DNAI1: variants seen among roughly 807,000 people sequenced by gnomAD.
DNAI1 encodes dynein axonemal intermediate chain 1.
In DNAI1, 67 loss-of-function variants were observed where a neutral mutation model predicts 92.0. That is an observed-to-expected ratio of 0.73 (90% CI 0.60 to 0.89). The LOEUF (loss-of-function observed/expected upper bound fraction) is 0.89. DNAI1 is among the 40% of genes least tolerant of loss of function. The pLI is 0.00. For missense variants in DNAI1, 839 were observed against 866.6 expected (o/e 0.97, Z 0.40); for synonymous variants, 323 against 319.6 (o/e 1.01, Z -0.11).
At position 34,520,701 on chromosome 9, in the gene DNAI1, T is replaced by C. The variant is rs138460682; in HGVS notation, c.2045T>C (p.Ile682Thr). ...GTGCAGAAGGGTCCAGCTGTGGAGA[T>C]TGCGAAACTGGACAAACTGCTGAAC... is the stretch of plus-strand genomic sequence containing the variant. ...QEVQKGPAVE[I>T]AKLDKLLNLV... Residue 682 changes from isoleucine (I) to threonine (T), a missense_variant, in exon 20 of 20, where the codon ATT (isoleucine) becomes ACT (threonine). Physicochemically the swap from Ile to Thr is moderately conservative, Grantham distance 89. Coordinates refer to ENST00000242317, the MANE Select transcript of DNAI1 (RefSeq NM_012144.4). The C allele has an allele frequency of 5.5e-5, 86 of 1,551,600 alleles. No homozygotes were observed. The highest frequency in any genetic ancestry group is 2.5e-4 in the Admixed American group (13 of 50,988).
At chr9:34,485,813 AT>A (rs1326178008) in intron 4 of DNAI1, among the ~76,000 whole-genome samples, 1 of 152,196 alleles carries the variant, frequency 6.6e-6, no homozygotes, top group Non-Finnish European at 1.5e-5. Flanking sequence ...TATGTAACAC[AT>A]TTTTCACTAA....
chr9:34,497,087 AG>A, intron 9 of DNAI1, 27 bp from the exon 10 acceptor site: 1 of 1,584,544 alleles, frequency 6.3e-7, no homozygotes. Context: ...CTGGTTTATG[AG>A]GACCTGAAGT....
At chr9:34,464,756 C>T (rs539124341) in intron 1 of DNAI1, among the ~76,000 whole-genome samples, 7 of 152,238 alleles carry the variant, frequency 4.6e-5, no homozygotes, top group Non-Finnish European at 5.9e-5. Context: ...GCCATGATGA[C>T]GTCAGAAGCT....
rs760335957 is a variant in DNAI1, at chr9:34,458,920, C to A, written c.-86C>A. ...ACTGGTAACTGAAGTGGAAGAGAGT[C>A]CAGATTTCTTGTGTGTGGTCAAGGA... On this transcript the variant is annotated 5_prime_UTR_variant, in exon 1 of 20. Transcript: ENST00000242317. The surrounding 1 kb of genome is among the most constrained non-coding windows in gnomAD (Gnocchi z 6.6). 3 of 1,212,332 alleles carry A rather than the reference C, an allele frequency of 2.5e-6. No homozygotes were observed. The highest frequency in any genetic ancestry group is 3.7e-6 in the Non-Finnish European group (3 of 817,172). The allele number at this position is 1,212,332 out of a possible 1,614,324, so 75.1% of individuals were successfully genotyped here.
At chr9:34,510,509 GA>G (rs1825043266) in intron 13 of DNAI1, among the ~76,000 whole-genome samples, 1 of 152,096 alleles carries the variant, frequency 6.6e-6, no homozygotes, top group Non-Finnish European at 1.5e-5. Flanking sequence ...TGGTCCCTGG[GA>G]ATTCATTCAT....
At position 34,517,308 on chromosome 9, in the gene DNAI1, C is replaced by T. The variant is rs747327302; in HGVS notation, c.1842C>T (p.Ile614=). ...AGGCCCACATATTTGACTTAGCCAT[C>T]AACAAGTATGAGGCCATCTGCAACC... The part of the protein sequence containing the change: ...DGKAHIFDLA[I]NKYEAICNQP... The change falls in exon 19 of 20, where the codon ATC becomes ATT. Residue 614 remains isoleucine (I), a synonymous_variant. Transcript: ENST00000242317. The T allele has an allele frequency of 6.2e-7, 1 of 1,613,990 alleles. No individual in the cohort carries two copies. Among genetic ancestry groups the T allele is most frequent in the East Asian group, 2.2e-5 (1 of 44,876 alleles).
chr9:34,458,825 A>G lies in DNAI1; in HGVS notation c.-181A>G. The stretch of plus-strand genomic sequence containing the variant: ...TGGTCGGTTGCTGGGTAACCGCGTC[A>G]GGGAGTTGGATTCTATCCTGCAAGG... On this transcript the variant is annotated 5_prime_UTR_variant, in exon 1 of 20. Coordinates refer to ENST00000242317, the MANE Select transcript of DNAI1 (RefSeq NM_012144.4). The surrounding 1 kb of genome is among the most constrained non-coding windows in gnomAD (Gnocchi z 6.6). 1.5e-6 allele frequency: 1 copy of G among 668,494 alleles called. No homozygotes were observed. The highest frequency in any genetic ancestry group is 2.1e-5 in the Admixed American group (1 of 46,574). 41.4% of individuals were successfully genotyped at this position (668,494 alleles called of 1,614,324 possible).
chr9:34,474,207 TC>T (rs777272469), intron 1 of DNAI1, among the ~76,000 whole-genome samples: 1 of 152,148 alleles, frequency 6.6e-6, no homozygotes, highest in Non-Finnish European at 1.5e-5. Flanking sequence ...TGTATATACA[TC>T]TTATTCAGGT....
intron 11 of DNAI1, 61 bp from the exon 12 acceptor site, chr9:34,501,077 C>G: frequency 1.4e-6 from 2 of 1,428,596 alleles, no homozygotes; most frequent in Non-Finnish European, 2.0e-6. Flanking sequence ...TGGGAAGGCC[C>G]TTGTCCACAG....
At chr9:34,482,022 G>A (rs1824370403) in intron 1 of DNAI1, among the ~76,000 whole-genome samples, 1 of 152,136 alleles carries the variant, frequency 6.6e-6, no homozygotes, top group African/African-American at 2.4e-5. Context: ...TGATTGGTGC[G>A]GTTACAATCC....
At chr9:34,477,483 CA>C (rs1312270104) in intron 1 of DNAI1, among the ~76,000 whole-genome samples, 1 of 152,002 alleles carries the variant, frequency 6.6e-6, no homozygotes, top group African/African-American at 2.4e-5. Flanking sequence ...ATGACCGGCC[CA>C]GAGTAAGTTC....
At chr9:34,502,654 A>G (rs1191618818) in intron 12 of DNAI1, among the ~76,000 whole-genome samples, 1 of 152,154 alleles carries the variant, frequency 6.6e-6, no homozygotes, top group Non-Finnish European at 1.5e-5. Flanking sequence ...ACCTCCCACC[A>G]GCAGAAGACC....
chr9:34,503,681 A>G (rs1824874267), intron 12 of DNAI1, among the ~76,000 whole-genome samples: 1 of 152,172 alleles, frequency 6.6e-6, no homozygotes, highest in African/African-American at 2.4e-5. Flanking sequence ...ACAAGCAGGT[A>G]GAGAAAAGGA....
At chr9:34,460,330 G>A (rs1022170895) in intron 1 of DNAI1, among the ~76,000 whole-genome samples, 2 of 152,214 alleles carry the variant, frequency 1.3e-5, no homozygotes, top group Non-Finnish European at 2.9e-5. Flanking sequence ...GCTCTGGAAA[G>A]CAGGACTTCT....
chr9:34,488,840 T>A (rs1348493124), intron 4 of DNAI1, among the ~76,000 whole-genome samples: 1 of 152,234 alleles, frequency 6.6e-6, no homozygotes. Flanking sequence ...CCATATCTTT[T>A]CTGGAATTCC....
chr9:34,485,294 T>C (rs947088271), intron 3 of DNAI1, 54 bp downstream of exon 3: 1 of 1,610,064 alleles, frequency 6.2e-7, no homozygotes, highest in African/African-American at 1.3e-5. Context: ...GTTTCGGAGA[T>C]GTGTTCTTCC....
chr9:34,515,430 C>T (rs150459692), intron 18 of DNAI1, among the ~76,000 whole-genome samples: 1 of 152,310 alleles, frequency 6.6e-6, no homozygotes, highest in Non-Finnish European at 1.5e-5. Flanking sequence ...GATACCTGCT[C>T]TTGTGGAGCT....
intron 12 of DNAI1, among the ~76,000 whole-genome samples, chr9:34,505,801 G>A (rs988939908): frequency 2.6e-5 from 4 of 152,348 alleles, no homozygotes; most frequent in Non-Finnish European, 5.9e-5. Context: ...CCCCCAGGTA[G>A]GGGCTGCACT....
intron 1 of DNAI1, among the ~76,000 whole-genome samples, chr9:34,481,665 G>C (rs1274566543): frequency 1.3e-5 from 2 of 152,146 alleles, no homozygotes; most frequent in African/African-American, 4.8e-5. Context: ...TCGTGGTTTC[G>C]CTGGCTCAGG....
Sources: gnomAD v4.1 joint callset for allele counts (sites outside exome capture counted in the v4.1 genomes callset) on GRCh38, gnomAD v4.1.1 for gene constraint, Gnocchi (gnomAD v3.1) non-coding constraint, MANE v1.5 for transcripts, NCBI Gene and HGNC (gene_info 2026-07-23, HGNC 2026-07-21) for gene names.